Variants in SKAP1 observed in about 807,000 individuals in gnomAD.
SKAP1 encodes src kinase-associated phosphoprotein 1.
Under a neutral mutation model 58.5 loss-of-function variants are expected in SKAP1, and 44 were observed. The observed-to-expected ratio is 0.75, with a 90% CI of 0.59 to 0.97. SKAP1 has a LOEUF of 0.97. Among genes scored for constraint, SKAP1 ranks in the 50% least tolerant of loss-of-function variants. The pLI is 0.00. For synonymous variants in SKAP1, 127 were observed against 149.7 expected (o/e 0.85, Z 1.11); for missense variants, 390 against 435.2 (o/e 0.90, Z 0.92).
chr17:48,138,438 C>T (rs1487442801), intron 11 of SKAP1, among the ~76,000 whole-genome samples: 1 of 150,762 alleles, frequency 6.6e-6, no homozygotes, highest in African/African-American at 2.4e-5. Context: ...GGCGCAATCT[C>T]GGCTCACTGC....
At chr17:48,395,070 CA>C (rs1449798966) in intron 2 of SKAP1, among the ~76,000 whole-genome samples, 1 of 151,936 alleles carries the variant, frequency 6.6e-6, no homozygotes, top group Non-Finnish European at 1.5e-5. Flanking sequence ...AAACCACACA[CA>C]AAGTTCTTTG....
intron 4 of SKAP1, among the ~76,000 whole-genome samples, chr17:48,260,301 T>C (rs562570141): frequency 8.5e-5 from 13 of 152,148 alleles, no homozygotes; most frequent in Non-Finnish European, 1.9e-4. Context: ...AATGTGAATT[T>C]AAGAGTAAGG....
chr17:48,187,069 G>A (rs2064465392), intron 6 of SKAP1, among the ~76,000 whole-genome samples: 1 of 152,216 alleles, frequency 6.6e-6, no homozygotes, highest in Admixed American at 6.5e-5. Context: ...CTCTGTAGAA[G>A]AGTATCCCCT....
intron 1 of SKAP1, 58 bp from the exon 2 acceptor site, chr17:48,396,843 TC>T (rs2067425217): frequency 7.7e-7 from 1 of 1,292,800 alleles, no homozygotes; most frequent in African/African-American, 1.5e-5. Context: ...GAAAGGAAAA[TC>T]AGAAGGATTA....
intron 4 of SKAP1, among the ~76,000 whole-genome samples, chr17:48,265,535 A>G (rs1209285260): frequency 1.3e-5 from 2 of 151,208 alleles, no homozygotes; most frequent in Non-Finnish European, 2.9e-5. Context: ...CAAGCAAGCT[A>G]TGACACTGTG....
intron 4 of SKAP1, among the ~76,000 whole-genome samples, chr17:48,253,304 T>TC (rs1044403617): frequency 7.2e-5 from 11 of 152,172 alleles, no homozygotes; most frequent in African/African-American, 2.7e-4. Flanking sequence ...TGAGTCTTTT[T>TC]CTGGGCCTTC....
chr17:48,414,341 A>G (rs577198051), intron 1 of SKAP1, among the ~76,000 whole-genome samples: 2 of 152,280 alleles, frequency 1.3e-5, no homozygotes, highest in Non-Finnish European at 2.9e-5. Context: ...TGAGATGAGG[A>G]AAAGAATGGC....
At chr17:48,297,032 T>TA (rs1032432515) in intron 4 of SKAP1, among the ~76,000 whole-genome samples, 16 of 151,938 alleles carry the variant, frequency 1.1e-4, no homozygotes, top group South Asian at 2.1e-4. Flanking sequence ...TTTCTAGATT[T>TA]AAAAAAAATC....
At chr17:48,424,227 T>TA (rs2067828968) in intron 1 of SKAP1, among the ~76,000 whole-genome samples, 1 of 4,722 alleles carries the variant, frequency 2.1e-4, no homozygotes, top group African/African-American at 4.7e-4. Context: ...ACCTCTTTTT[T>TA]TTTTTTTTTT....
chr17:48,423,195 C>T (rs1014810863), intron 1 of SKAP1, among the ~76,000 whole-genome samples: 3 of 152,050 alleles, frequency 2.0e-5, no homozygotes, highest in African/African-American at 7.2e-5. Flanking sequence ...TTTTTGAGAG[C>T]AAAGAAAAAT....
At chr17:48,410,482 G>T (rs1410964713) in intron 1 of SKAP1, among the ~76,000 whole-genome samples, 1 of 152,036 alleles carries the variant, frequency 6.6e-6, no homozygotes, top group Non-Finnish European at 1.5e-5. Flanking sequence ...TTCAATAAAA[G>T]GAACCTAGGC....
chr17:48,349,920 T>C (rs755031399), intron 3 of SKAP1, among the ~76,000 whole-genome samples: 4 of 152,208 alleles, frequency 2.6e-5, no homozygotes, highest in Admixed American at 6.5e-5. Flanking sequence ...GAAACAATAG[T>C]CTTGGCCACT....
intron 3 of SKAP1, among the ~76,000 whole-genome samples, chr17:48,347,380 T>C (rs2066735976): frequency 6.6e-6 from 1 of 152,194 alleles, no homozygotes; most frequent in African/African-American, 2.4e-5. Flanking sequence ...AGAATCTGTA[T>C]TGCCTCACTT....
intron 1 of SKAP1, among the ~76,000 whole-genome samples, chr17:48,428,914 C>G (rs895138512): frequency 1.3e-5 from 2 of 152,158 alleles, no homozygotes; most frequent in African/African-American, 2.4e-5. Flanking sequence ...AACCTCACCT[C>G]AAAAGAAATA....
chr17:48,407,521 G>A (rs1443492085), intron 1 of SKAP1, among the ~76,000 whole-genome samples: 2 of 151,998 alleles, frequency 1.3e-5, no homozygotes, highest in Admixed American at 6.6e-5. Flanking sequence ...TTTTTAAAGA[G>A]TTCCATTGTA....
chr17:48,236,341 G>A (rs935086634), intron 4 of SKAP1, among the ~76,000 whole-genome samples: 1 of 152,104 alleles, frequency 6.6e-6, no homozygotes, highest in African/African-American at 2.4e-5. Flanking sequence ...AGGTTTCTAC[G>A]AGATTCTTTG....
intron 11 of SKAP1, among the ~76,000 whole-genome samples, chr17:48,139,571 G>A (rs2063744182): frequency 6.6e-6 from 1 of 152,150 alleles, no homozygotes; most frequent in South Asian, 2.1e-4. Flanking sequence ...TTGTACACTT[G>A]GTTGCTGAGT....
chr17:48,143,314 T>G (rs1411642230), intron 11 of SKAP1, among the ~76,000 whole-genome samples: 2 of 148,272 alleles, frequency 1.3e-5, no homozygotes, highest in African/African-American at 2.5e-5. Context: ...TGCCTCAGCC[T>G]CCAGAGTAGC....
chr17:48,313,514 G>C (rs1372760813), intron 4 of SKAP1, among the ~76,000 whole-genome samples: 1 of 151,976 alleles, frequency 6.6e-6, no homozygotes, highest in Non-Finnish European at 1.5e-5. Context: ...ATGCCCCCTA[G>C]GTTTCAAGCT....
Sources: gnomAD v4.1 joint callset for allele counts (sites outside exome capture counted in the v4.1 genomes callset) on GRCh38, gnomAD v4.1.1 for gene constraint, MANE v1.5 for transcripts, NCBI Gene and HGNC (gene_info 2026-07-23, HGNC 2026-07-21) for gene names.